Variants in DNAAF4 observed in about 807,000 individuals in gnomAD.
DNAAF4 encodes dynein axonemal assembly factor 4.
Under a neutral mutation model 51.8 loss-of-function variants are expected in DNAAF4, and 43 were observed. The observed-to-expected ratio is 0.83, with a 90% CI of 0.65 to 1.07. DNAAF4 has a LOEUF of 1.07. Among genes scored for constraint, DNAAF4 ranks in the 50% least tolerant of loss-of-function variants. The pLI is 0.00. For synonymous variants in DNAAF4, 194 were observed against 165.6 expected (o/e 1.17, Z -1.32); for missense variants, 581 against 493.0 (o/e 1.18, Z -1.69).
At chr15:55,439,744 T>C (rs548569069) in intron 6 of DNAAF4, among the ~76,000 whole-genome samples, 163 bp from the exon 7 acceptor site, 109 of 152,276 alleles carry the variant, frequency 7.2e-4, no homozygotes, top group African/African-American at 2.5e-3. Context: ...ACTGAAGCCA[T>C]AACCATCAAT....
intron 4 of DNAAF4, among the ~76,000 whole-genome samples, chr15:55,472,572 C>T (rs943685664): frequency 2.6e-5 from 4 of 151,672 alleles, no homozygotes; most frequent in Non-Finnish European, 4.4e-5. Flanking sequence ...GAGCCAAGAT[C>T]GCCCCACTGC....
At chr15:55,428,124 T>C (rs1396317344), downstream of DNAAF4, among the ~76,000 whole-genome samples, 1 of 151,916 alleles carries the variant, frequency 6.6e-6, no homozygotes. Context: ...CGGCTAATTT[T>C]TGTATTTTTA....
At chr15:55,501,382 T>C (rs1297588508) in intron 1 of DNAAF4, among the ~76,000 whole-genome samples, 1 of 137,028 alleles carries the variant, frequency 7.3e-6, no homozygotes, top group African/African-American at 2.7e-5. Flanking sequence ...CTTTCTTTTT[T>C]TTTTTTTTTT....
chr15:55,479,434 T>G (rs1410932209), intron 4 of DNAAF4, among the ~76,000 whole-genome samples: 1 of 152,108 alleles, frequency 6.6e-6, no homozygotes, highest in African/African-American at 2.4e-5. Context: ...GTATGTCACC[T>G]CAGGACCACT....
intron 4 of DNAAF4, 151 bp downstream of exon 4, chr15:55,490,972 C>G (rs74792041): frequency 1.3e-5 from 11 of 829,016 alleles, no homozygotes; most frequent in Non-Finnish European, 1.8e-5. Flanking sequence ...AAAAAACACA[C>G]ATATAAATAG....
At chr15:55,433,995 A>AATATATTTTAT (rs1555413895) in intron 8 of DNAAF4, among the ~76,000 whole-genome samples, 1 of 33,292 alleles carries the variant, frequency 3.0e-5, no homozygotes, top group Non-Finnish European at 6.2e-5. Flanking sequence ...TAATATATAT[A>AATATATTTTAT]ATATTATATA....
At chr15:55,427,866 C>G (rs1476244666), downstream of DNAAF4, among the ~76,000 whole-genome samples, 3 of 151,538 alleles carry the variant, frequency 2.0e-5, no homozygotes, top group African/African-American at 7.3e-5. Flanking sequence ...AACTCCCGAC[C>G]TCAGGTGATC....
At chr15:55,469,714 T>A (rs2058225420) in intron 4 of DNAAF4, among the ~76,000 whole-genome samples, 1 of 151,850 alleles carries the variant, frequency 6.6e-6, no homozygotes, top group African/African-American at 2.4e-5. Context: ...ATGGTCTCGA[T>A]CTCCTGACCT....
intron 4 of DNAAF4, among the ~76,000 whole-genome samples, chr15:55,474,448 C>T (rs887560923): frequency 2.6e-5 from 4 of 151,840 alleles, no homozygotes; most frequent in Admixed American, 1.3e-4. Flanking sequence ...GCAGAAGAAT[C>T]GCGTGAACCC....
At chr15:55,477,836 C>T (rs1042467853) in intron 4 of DNAAF4, among the ~76,000 whole-genome samples, 1 of 151,152 alleles carries the variant, frequency 6.6e-6, no homozygotes, top group Non-Finnish European at 1.5e-5. Flanking sequence ...GAGGCTGAGG[C>T]AGGTGGATCA....
intron 6 of DNAAF4, chr15:55,443,100 T>C (rs1413870585): frequency 1.2e-6 from 2 of 1,610,452 alleles, no homozygotes; most frequent in African/African-American, 2.7e-5. Context: ...CTTGAATCCT[T>C]TCAGTAGGTG....
intron 3 of DNAAF4, among the ~76,000 whole-genome samples, chr15:55,493,896 G>A (rs2058605438): frequency 6.6e-6 from 1 of 151,350 alleles, no homozygotes; most frequent in South Asian, 2.1e-4. Flanking sequence ...TAGAGGTGAA[G>A]TCTCCCTATG....
At chr15:55,429,020 G>A (rs1357471022), downstream of DNAAF4, among the ~76,000 whole-genome samples, 2 of 151,560 alleles carry the variant, frequency 1.3e-5, no homozygotes, top group Admixed American at 6.6e-5. Context: ...TCAGGAGTTC[G>A]AGACCAGCCT....
intron 9 of DNAAF4, 51 bp from the exon 10 acceptor site, chr15:55,430,830 T>C (rs775123171): frequency 7.3e-7 from 1 of 1,373,412 alleles, no homozygotes; most frequent in African/African-American, 1.4e-5. Context: ...TTATTAGCAC[T>C]TCTTTTATCT....
intron 7 of DNAAF4, among the ~76,000 whole-genome samples, chr15:55,438,799 G>GA (rs968135567): frequency 1.2e-4 from 18 of 148,152 alleles, no homozygotes; most frequent in Middle Eastern, 3.5e-3. Flanking sequence ...AAAAAAAAAA[G>GA]AAAAAAAATG....
intron 3 of DNAAF4, among the ~76,000 whole-genome samples, chr15:55,495,720 G>C (rs1427009542): frequency 6.6e-6 from 1 of 151,728 alleles, no homozygotes; most frequent in Non-Finnish European, 1.5e-5. Context: ...TTGGTGATAG[G>C]GTGAGATTCT....
intron 6 of DNAAF4, among the ~76,000 whole-genome samples, chr15:55,448,353 G>C (rs1349091985): frequency 1.3e-5 from 2 of 151,906 alleles, no homozygotes; most frequent in Non-Finnish European, 2.9e-5. Flanking sequence ...GTTCATCCAG[G>C]ATATTGATCT....
downstream of DNAAF4, among the ~76,000 whole-genome samples, chr15:55,429,318 G>A (rs1045949082): frequency 1.3e-5 from 2 of 151,584 alleles, no homozygotes; most frequent in African/African-American, 4.8e-5. Flanking sequence ...TCAGCAGTTC[G>A]AGACCAACCT....
chr15:55,491,457 C>G (rs1178202531), intron 3 of DNAAF4, among the ~76,000 whole-genome samples: 1 of 144,680 alleles, frequency 6.9e-6, no homozygotes, highest in African/African-American at 2.6e-5. Flanking sequence ...TAATGAATGA[C>G]TAGAGAATGA....
Sources: allele counts gnomAD v4.1 joint callset (sites outside exome capture counted in the v4.1 genomes callset), GRCh38; gene constraint gnomAD v4.1.1; transcripts MANE v1.5; gene names NCBI Gene and HGNC (gene_info 2026-07-23, HGNC 2026-07-21).